ERBIN: variants seen among roughly 807,000 people sequenced by gnomAD.
The protein encoded by ERBIN is erbb2 interacting protein.
A neutral mutation model predicts 158.4 loss-of-function variants in ERBIN; 60 were observed. The ratio of observed to expected loss-of-function variants is 0.38; its 90% CI spans 0.31 to 0.47. The LOEUF is 0.47. ERBIN is among the 20% of genes least tolerant of loss of function. The pLI, the probability that ERBIN is intolerant of heterozygous loss-of-function variation, is 0.99. For missense variants in ERBIN, 1,610 were observed against 1,648.0 expected, an observed-to-expected ratio of 0.98 and a Z score of 0.40; for synonymous variants, 594 against 557.2, an observed-to-expected ratio of 1.07 and a Z score of -0.93.
intron 7 of ERBIN, among the ~76,000 whole-genome samples, chr5:66,016,589 C>G (rs899424300): frequency 6.6e-5 from 10 of 151,352 alleles, no homozygotes; most frequent in South Asian, 2.1e-4. Flanking sequence ...CTGCTAATCA[C>G]CATTCTACTC....
chr5:66,075,977 A>G lies in ERBIN; in HGVS notation c.3964-339A>G, dbSNP rs946013170. The G allele has an allele frequency of 4.8e-5, 10 of 208,074 alleles. No homozygotes were observed. The Admixed American group carries it at 5.0e-4, about 10-fold the overall frequency. The allele number at this position is 208,074 out of a possible 1,614,324, so 12.9% of individuals were successfully genotyped here. ...AGATGTCCCACAAGTGGAAACTGATAATAATATACATGTTTTGTGTTTATG... is the reference window on the plus strand; with the variant it reads ...AGATGTCCCACAAGTGGAAACTGATGATAATATACATGTTTTGTGTTTATG... On this transcript the variant is annotated intron_variant, in intron 23 of 25. Transcript: ENST00000284037.
chr5:66,021,423 T>C (rs751541614), intron 8 of ERBIN, 38 bp downstream of exon 8: 49 of 1,359,508 alleles, frequency 3.6e-5, no homozygotes, highest in African/African-American at 2.5e-4. Flanking sequence ...TAAGTTCTTA[T>C]ATTTAATGAA....
chr5:66,017,957 A>G (rs1365920805), intron 7 of ERBIN, among the ~76,000 whole-genome samples: 2 of 151,492 alleles, frequency 1.3e-5, no homozygotes, highest in African/African-American at 4.9e-5. Flanking sequence ...TCCCCATTTT[A>G]TCTTCTTGGC....
chr5:66,017,339 C>A (rs56202160), intron 7 of ERBIN, among the ~76,000 whole-genome samples: 9,091 of 151,996 alleles, frequency 0.06, 955 homozygotes, highest in African/African-American at 0.21. Context: ...CTCTTTGTTC[C>A]CATCCTTGCT....
chr5:65,990,512 C>CA (rs888759475), intron 2 of ERBIN, among the ~76,000 whole-genome samples: 2 of 151,398 alleles, frequency 1.3e-5, no homozygotes, highest in Non-Finnish European at 2.9e-5. Context: ...ACTAAAAATA[C>CA]AAAAAAAATT....
chr5:65,992,227 G>A (rs758298913), intron 2 of ERBIN, among the ~76,000 whole-genome samples: 18 of 152,018 alleles, frequency 1.2e-4, no homozygotes, highest in Non-Finnish European at 2.2e-4. Flanking sequence ...TCGGCTCACT[G>A]CAAGCTCCAC....
At chr5:66,004,818 A>G (rs1753409879) in intron 4 of ERBIN, among the ~76,000 whole-genome samples, 1 of 152,150 alleles carries the variant, frequency 6.6e-6, no homozygotes, top group South Asian at 2.1e-4. Context: ...TAAGGTAAGG[A>G]TGTACCAGAA....
At chr5:66,034,009 T>G (rs1052458734) in intron 14 of ERBIN, among the ~76,000 whole-genome samples, 1 of 151,254 alleles carries the variant, frequency 6.6e-6, no homozygotes, top group Non-Finnish European at 1.5e-5. Flanking sequence ...CTCGGGAGGC[T>G]GAGACAGGAG....
chr5:65,937,986 T>C lies in ERBIN; in HGVS notation c.-58+11180T>C, dbSNP rs142367835. On this transcript the variant is annotated intron_variant, in intron 1 of 25. Coordinates refer to ENST00000284037, the MANE Select transcript of ERBIN (RefSeq NM_001253697.2). The stretch of plus-strand genomic sequence containing the variant: ...TTTGTAGATTAATTTAGAAGATCAT[T>C]GATAACTTTACGATAGCATATCTCT... Among the ~76,000 whole-genome samples, 1,230 of 152,278 alleles carry C rather than the reference T, an allele frequency of 8.1e-3. 13 individuals are homozygous for C. The highest frequency in any genetic ancestry group is 0.028 in the African/African-American group (1,165 of 41,554).
chr5:66,011,061 C>T (rs1754145124), intron 4 of ERBIN, among the ~76,000 whole-genome samples: 1 of 152,204 alleles, frequency 6.6e-6, no homozygotes, highest in Admixed American at 6.5e-5. Flanking sequence ...GTCTAGGATA[C>T]TCCAAAGCTG....
intron 7 of ERBIN, among the ~76,000 whole-genome samples, chr5:66,019,473 A>T (rs947481438): frequency 6.6e-6 from 1 of 152,190 alleles, no homozygotes; most frequent in Non-Finnish European, 1.5e-5. Context: ...TTAGAAACAG[A>T]TGGGAGAAAA....
chr5:66,024,551 A>G (rs999056848), intron 10 of ERBIN, 101 bp downstream of exon 10: 7 of 1,136,368 alleles, frequency 6.2e-6, no homozygotes, highest in Non-Finnish European at 8.6e-6. Flanking sequence ...ATACTTCGTT[A>G]CCACAGGAAC....
At chr5:66,027,997 T>C (rs1207976329) in intron 13 of ERBIN, among the ~76,000 whole-genome samples, 1 of 152,098 alleles carries the variant, frequency 6.6e-6, no homozygotes, top group African/African-American at 2.4e-5. Flanking sequence ...ACAATTAATT[T>C]TTCAACAGAT....
Position 66,072,195 on chromosome 5 carries a change from A to G in ERBIN, c.3660A>G (p.Gly1220=). 3 of 1,550,350 alleles carry G rather than the reference A, an allele frequency of 1.9e-6. No individual in the cohort carries two copies. Among genetic ancestry groups the G allele is most frequent in the Middle Eastern group, 1.7e-4 (1 of 5,988 alleles). Residue 1220 remains glycine (G), a synonymous_variant, in exon 22 of 26, where the codon GGA becomes GGG. Transcript: ENST00000284037. ...EKKHPQTSSS[G]DPCQDGIFIS... ...AGCATCCCCAGACATCCAGTTCAGG[A>G]GATCCTTGTCAAGATGGTATATTCA...
chr5:65,945,093 T>C (rs1220728926), intron 1 of ERBIN, among the ~76,000 whole-genome samples: 2 of 152,256 alleles, frequency 1.3e-5, no homozygotes, highest in South Asian at 2.1e-4. Flanking sequence ...TTGTGAGTTA[T>C]CTGCAAATCT....
chr5:66,038,581 G>A (rs1006100383), intron 15 of ERBIN, 99 bp downstream of exon 15: 1 of 815,620 alleles, frequency 1.2e-6, no homozygotes, highest in Non-Finnish European at 1.9e-6. Flanking sequence ...AGTTTGATGG[G>A]ACTTCAGAGA....
intron 15 of ERBIN, among the ~76,000 whole-genome samples, chr5:66,039,262 A>G (rs760094733): frequency 9.1e-4 from 138 of 152,038 alleles, no homozygotes; most frequent in Non-Finnish European, 1.4e-3. Context: ...CTTATCTTGA[A>G]ATGATGATAA....
chr5:66,044,384 C>T (rs1233650925), intron 17 of ERBIN, 74 bp downstream of exon 17: 2 of 1,343,500 alleles, frequency 1.5e-6, no homozygotes, highest in Non-Finnish European at 2.0e-6. Flanking sequence ...ATATAGTGCC[C>T]CTTTTCATGT....
intron 1 of ERBIN, among the ~76,000 whole-genome samples, chr5:65,933,818 G>A (rs1743742896): frequency 6.6e-6 from 1 of 152,124 alleles, no homozygotes; most frequent in Admixed American, 6.5e-5. Flanking sequence ...TTGAAACAAT[G>A]ACTGACATAT....
Sources: allele counts gnomAD v4.1 joint callset (sites outside exome capture counted in the v4.1 genomes callset), GRCh38; gene constraint gnomAD v4.1.1; transcripts MANE v1.5; gene names NCBI Gene and HGNC (gene_info 2026-07-23, HGNC 2026-07-21).